The following UNC45A variants were observed in gnomAD, a reference collection of about 807,000 sequenced individuals.
UNC45A encodes unc-45 myosin chaperone A, also known as protein unc-45 homolog A.
A neutral mutation model predicts 103.2 loss-of-function variants in UNC45A; 78 were observed. The ratio of observed to expected loss-of-function variants is 0.76; its 90% CI spans 0.63 to 0.91. The LOEUF (loss-of-function observed/expected upper bound fraction) is 0.91, where lower values mean the gene tolerates loss of function less well. Among genes scored for constraint, UNC45A ranks in the 40% least tolerant of loss-of-function variants. The pLI, the probability that UNC45A is intolerant of heterozygous loss-of-function variation, is 0.00. For missense variants in UNC45A, 1,193 were observed against 1,224.8 expected, an observed-to-expected ratio of 0.97 and a Z score of 0.39; for synonymous variants, 495 against 504.6, an observed-to-expected ratio of 0.98 and a Z score of 0.25.
chr15:90,946,629 C>T lies in UNC45A; in HGVS notation c.1215C>T (p.Gly405=), dbSNP rs1336935265. The change falls in exon 10 of 20, where the codon GGC becomes GGT. Residue 405 remains glycine, a synonymous_variant. Transcript: ENST00000418476. The stretch of plus-strand genomic sequence containing the variant: ...TGCCCCTCAGGAGCTGGTTTGAGGG[C>T]CAAGGGCTGGCCGGGAAGCTACGGG... ...CENYIKSWFE[G]QGLAGKLRAI... 6.2e-7 allele frequency: 1 copy of T among 1,606,374 alleles called. No individual in the cohort carries two copies. Among genetic ancestry groups the T allele is most frequent in the East Asian group, 2.2e-5 (1 of 44,764 alleles).
intron 11 of UNC45A, 22 bp downstream of exon 11, chr15:90,947,912 TGGTTCCCCACCTGTGG>T: frequency 6.2e-7 from 1 of 1,606,070 alleles, no homozygotes; most frequent in Non-Finnish European, 8.5e-7. Flanking sequence ...GGCCTTGCTG[TGGTTCCCCACCTGTGG>T]GGTAGATCTC....
Position 90,942,920 on chromosome 15 carries a change from C to T in UNC45A, c.865C>T (p.Arg289Trp), listed in dbSNP as rs377248260. The T allele has an allele frequency of 2.1e-5, 34 of 1,606,312 alleles. No individual in the cohort carries two copies. Among genetic ancestry groups the T allele is most frequent in the African/African-American group, 1.1e-4 (8 of 74,828 alleles). ...CTTCTTGTTGTTGCCAGATCCTGCCCGGGAGCTGAAGGTCCTCATCAGTAA... is the reference window on the plus strand; with the variant it reads ...CTTCTTGTTGTTGCCAGATCCTGCCTGGGAGCTGAAGGTCCTCATCAGTAA... ...KEGAIIVDPA[R>W]ELKVLISNLL... The change falls in exon 8 of 20, where the codon CGG becomes TGG. Residue 289 changes from arginine to tryptophan, a missense_variant. By Grantham distance (101) the Arg-to-Trp change is moderately radical. Transcript: ENST00000418476.
chr15:90,939,068 A>G (rs915871939), intron 4 of UNC45A, among the ~76,000 whole-genome samples: 1 of 145,532 alleles, frequency 6.9e-6, no homozygotes, highest in African/African-American at 2.6e-5. Flanking sequence ...CAACTTCCGC[A>G]TCTTGGGTTC....
At position 90,940,413 on chromosome 15, in the gene UNC45A, T is replaced by C. The variant is rs1567151332; in HGVS notation, c.627T>C (p.Thr209=). The change falls in exon 6 of 20, where the codon ACT becomes ACC. Residue 209 remains threonine, a synonymous_variant. Transcript: ENST00000418476. ...LLQRLLDMGE[T]DLMLAALRTL... is the part of the protein sequence containing the mutation. ...AACGTTTACTGGACATGGGAGAGAC[T>C]GACCTCATGCTGGCGGCTCTGCGTA... The C allele has an allele frequency of 6.2e-7, 1 of 1,614,148 alleles. No individual in the cohort carries two copies. The highest frequency in any genetic ancestry group is 8.5e-7 in the Non-Finnish European group (1 of 1,179,990).
At chr15:90,932,083 G>A (rs780552478), upstream of UNC45A, 4 of 1,608,080 alleles carry the variant, frequency 2.5e-6, no homozygotes, top group African/African-American at 5.3e-5. Flanking sequence ...AGTGATTCCC[G>A]CCTCGTGGGT....
At chr15:90,948,927 A>C in intron 13 of UNC45A, 133 bp downstream of exon 13, 1 of 1,131,912 alleles carries the variant, frequency 8.8e-7, no homozygotes. Context: ...CCCAGGCTGG[A>C]GTGCAGTGAT....
rs536380266 is a variant in UNC45A, at chr15:90,953,466, A to G, written c.2585A>G (p.His862Arg). The G allele has an allele frequency of 6.2e-7, 1 of 1,613,598 alleles. No homozygotes were observed. The highest frequency in any genetic ancestry group is 1.3e-5 in the African/African-American group (1 of 74,994). The change falls in exon 20 of 20, where the codon CAC (histidine) becomes CGC (arginine). Residue 862 changes from histidine (H) to arginine (R), a missense_variant. Physicochemically the swap from His to Arg is conservative, Grantham distance 29. Coordinates refer to ENST00000418476, the MANE Select transcript of UNC45A (RefSeq NM_018671.5). Reference sequence around the variant, plus strand: ...ACCCTGTTTTTCTCACAGACCACACACTGGCTGGAGATCCTGCAGGCCCTG... The same window carrying G: ...ACCCTGTTTTTCTCACAGACCACACGCTGGCTGGAGATCCTGCAGGCCCTG... ...LCSRIPQVTT[H>R]WLEILQALLL...
In UNC45A at chr15:90,935,938, T is replaced by C. The variant is rs755092109; in HGVS notation, c.214-8T>C. 3.1e-6 allele frequency: 5 copies of C among 1,614,088 alleles called. No individual in the cohort carries two copies. The highest frequency in any genetic ancestry group is 4.2e-6 in the Non-Finnish European group (5 of 1,180,016). On this transcript the variant is annotated splice_region_variant and splice_polypyrimidine_tract_variant and intron_variant, in intron 2 of 19. Transcript: ENST00000418476. ...CCATTCCTTCAGGCTCCTGTCTTTC[T>C]CTTACAGGAAGATTACGACAAAGCA...
In UNC45A at chr15:90,943,029, G is replaced by A. The variant is rs777672118; in HGVS notation, c.974G>A (p.Arg325Gln). Residue 325 changes from arginine (R) to glutamine (Q), a missense_variant, in exon 8 of 20, where the codon CGG becomes CAG. Arg to Gln is a conservative substitution (Grantham distance 43, BLOSUM62 1). Coordinates refer to ENST00000418476, the MANE Select transcript of UNC45A (RefSeq NM_018671.5). ...ACCCTCCTGATTAAAGCGGTGCCCC[G>A]GAAGTCTCTCAAGGACCCCAACAAC... ...ALTLLIKAVP[R>Q]KSLKDPNNSL... 1.4e-5 allele frequency: 23 copies of A among 1,614,002 alleles called. No individual in the cohort carries two copies. The highest frequency in any genetic ancestry group is 3.3e-4 in the Middle Eastern group (2 of 6,084).
chr15:90,940,448 G>A lies in UNC45A; in HGVS notation c.662G>A (p.Gly221Asp). The A allele has an allele frequency of 6.2e-7, 1 of 1,613,804 alleles. No homozygotes were observed. The highest frequency in any genetic ancestry group is 8.5e-7 in the Non-Finnish European group (1 of 1,179,808). ...LMLAALRTLV[G>D]ICSEHQSRTV... Reference sequence around the variant, plus strand: ...CTGGCGGCTCTGCGTACGCTGGTTGGCATTTGCTCTGAGCATCAGTCACGG... The same window carrying A: ...CTGGCGGCTCTGCGTACGCTGGTTGACATTTGCTCTGAGCATCAGTCACGG... The change falls in exon 6 of 20, where the codon GGC becomes GAC. Residue 221 changes from glycine to aspartate, a missense_variant. Physicochemically the swap from Gly to Asp is moderately conservative, Grantham distance 94. Transcript: ENST00000418476.
At chr15:90,931,892 A>C, upstream of UNC45A, 1 of 1,614,002 alleles carries the variant, frequency 6.2e-7, no homozygotes. Context: ...GTGTAGCTCC[A>C]CCTCATCCAG....
intron 9 of UNC45A, 67 bp downstream of exon 9, chr15:90,945,130 G>T: frequency 6.3e-7 from 1 of 1,575,542 alleles, no homozygotes. Flanking sequence ...TCCTTGAGGA[G>T]GGGCAGAAAT....
chr15:90,951,949 A>G (rs2036937797), intron 17 of UNC45A, among the ~76,000 whole-genome samples: 1 of 152,114 alleles, frequency 6.6e-6, no homozygotes, highest in Non-Finnish European at 1.5e-5. Flanking sequence ...AAAACCCTCA[A>G]ATGTTAGGTG....
At chr15:90,941,414 G>C (rs1436147106) in intron 6 of UNC45A, among the ~76,000 whole-genome samples, 2 of 152,210 alleles carry the variant, frequency 1.3e-5, no homozygotes, top group Non-Finnish European at 2.9e-5. Flanking sequence ...GTTGCTTTTA[G>C]AGGAGCCCAC....
intron 9 of UNC45A, 116 bp from the exon 10 acceptor site, chr15:90,946,498 T>C: frequency 8.1e-7 from 1 of 1,236,474 alleles, no homozygotes; most frequent in Non-Finnish European, 1.1e-6. Context: ...CATTGGCAGC[T>C]TTCCTGCTGT....
intron 12 of UNC45A, 155 bp downstream of exon 12, chr15:90,948,438 C>A: frequency 7.7e-7 from 1 of 1,298,770 alleles, no homozygotes; most frequent in Non-Finnish European, 1.0e-6. Context: ...GCATGTTGGC[C>A]AGCACCAGTG....
chr15:90,934,495 T>C (rs972168250), upstream of UNC45A: 1 of 398,774 alleles, frequency 2.5e-6, no homozygotes, highest in Non-Finnish European at 4.4e-6. Context: ...CGGGCTGAAT[T>C]TGAGGCCCTG....
rs191380343 is a variant in UNC45A, at chr15:90,945,088, G to A, written c.1199+25G>A. On this transcript the variant is annotated intron_variant, in intron 9 of 19. Transcript: ENST00000418476. ...AGTAAGGAAGTCTGTTTCACCTCCC[G>A]TTGCCAGGGATTCTAGCGAAAAAGT... is the stretch of plus-strand genomic sequence containing the variant. The A allele has an allele frequency of 1.8e-4, 285 of 1,605,868 alleles. No individual in the cohort carries two copies. The African/African-American group carries it at 3.2e-3, about 18-fold the overall frequency.
intron 13 of UNC45A, 78 bp downstream of exon 13, chr15:90,948,872 T>TC (rs1205501207): frequency 1.4e-6 from 1 of 715,670 alleles, no homozygotes; most frequent in African/African-American, 2.1e-5. Context: ...CAGAACAACC[T>TC]CCCTTTTTTT....
Sources: allele counts gnomAD v4.1 joint callset (sites outside exome capture counted in the v4.1 genomes callset), GRCh38; gene constraint gnomAD v4.1.1; transcripts MANE v1.5; gene names NCBI Gene and HGNC (gene_info 2026-07-23, HGNC 2026-07-21).